Variants in ABCB5 observed in about 807,000 individuals in gnomAD.
ABCB5 encodes the protein ATP-binding cassette sub-family B member 5.
A neutral mutation model predicts 144.2 loss-of-function variants in ABCB5; 155 were observed. The ratio of observed to expected loss-of-function variants is 1.08; its 90% confidence interval spans 0.94 to 1.23. ABCB5 has a LOEUF of 1.23. Among genes scored for constraint, ABCB5 ranks in the 50% most tolerant of loss-of-function variants. The probability of loss-of-function intolerance (pLI) is 0.00; values close to 1 mark genes in which losing one functional copy is unlikely to be tolerated. For synonymous variants in ABCB5, 610 were observed against 528.6 expected (o/e 1.15, Z -2.11); for missense variants, 1,830 against 1,520.8 (o/e 1.20, Z -3.38).
chr7:20,670,310 C>T (rs532818267), intron 14 of ABCB5, among the ~76,000 whole-genome samples: 2 of 150,820 alleles, frequency 1.3e-5, no homozygotes, highest in South Asian at 2.1e-4. Context: ...GATGTTAGAA[C>T]GCAGGGTACA....
At chr7:20,639,222 G>T (rs6967789) in intron 5 of ABCB5, among the ~76,000 whole-genome samples, 26,468 of 152,036 alleles carry the variant, frequency 0.17, 3,298 homozygotes, top group African/African-American at 0.35. Flanking sequence ...TTATTATTAA[G>T]TGGTAAGAAT....
At chr7:20,624,690 C>T (rs975790142) in intron 2 of ABCB5, among the ~76,000 whole-genome samples, 13 of 152,234 alleles carry the variant, frequency 8.5e-5, no homozygotes, top group African/African-American at 3.1e-4. Context: ...GAGCTAAGAG[C>T]AGAATCTTCG....
chr7:20,734,514 G>A (rs1016294941), intron 23 of ABCB5, among the ~76,000 whole-genome samples: 3 of 151,156 alleles, frequency 2.0e-5, no homozygotes, highest in African/African-American at 4.9e-5. Flanking sequence ...TACAAGGATG[G>A]ATTATCTGTG....
chr7:20,661,224 C>T (rs1192534880), intron 14 of ABCB5, among the ~76,000 whole-genome samples: 2 of 152,362 alleles, frequency 1.3e-5, no homozygotes, highest in East Asian at 3.9e-4. Flanking sequence ...AGCTGGGCTC[C>T]AAGCTCCTTC....
Position 20,645,887 on chromosome 7 carries a change from C to T in ABCB5, c.803+7C>T. 6.2e-7 allele frequency: 1 copy of T among 1,612,834 alleles called. No individual in the cohort carries two copies. Among genetic ancestry groups the T allele is most frequent in the South Asian group, 1.1e-5 (1 of 90,796 alleles). On this transcript the variant is annotated splice_region_variant and intron_variant, in intron 8 of 27. Transcript: ENST00000404938. ...AGGAGAAAGAACTTCAAAGGTCTTT[C>T]CTTTTAAATATAACAAGATATGCTT...
Position 20,682,190 on chromosome 7 carries a change from C to T in ABCB5, c.1869+524C>T, listed in dbSNP as rs925296192. Among the ~76,000 whole-genome samples the T allele has an allele frequency of 1.4e-4, 22 of 151,854 alleles. 1 individual carries two copies. Among genetic ancestry groups the T allele is most frequent in the Admixed American group, 9.2e-4 (14 of 15,246 alleles). Reference sequence around the variant, plus strand: ...ACTGCACTCCAGCCTGCCGACAGAGCGAGACTCCATTTCAAAAAAACGAAC... The same window carrying T: ...ACTGCACTCCAGCCTGCCGACAGAGTGAGACTCCATTTCAAAAAAACGAAC... On this transcript the variant is annotated intron_variant, in intron 15 of 27. Coordinates refer to ENST00000404938, the MANE Select transcript of ABCB5 (RefSeq NM_001163941.2).
At chr7:20,672,977 T>C (rs1785497231) in intron 14 of ABCB5, among the ~76,000 whole-genome samples, 1 of 152,164 alleles carries the variant, frequency 6.6e-6, no homozygotes, top group Non-Finnish European at 1.5e-5. Flanking sequence ...TTTTTTCTTT[T>C]TCTTTTGAGT....
At chr7:20,673,631 G>T (rs1457963978) in intron 14 of ABCB5, among the ~76,000 whole-genome samples, 2 of 151,712 alleles carry the variant, frequency 1.3e-5, no homozygotes, top group African/African-American at 4.8e-5. Flanking sequence ...TATCCTTTTA[G>T]TCTTAACCTC....
chr7:20,738,818 G>A (rs1242045383), intron 23 of ABCB5, among the ~76,000 whole-genome samples, 165 bp from the exon 24 acceptor site: 2 of 152,158 alleles, frequency 1.3e-5, no homozygotes, highest in African/African-American at 4.8e-5. Flanking sequence ...ATTACTACAT[G>A]GTAGAAATTT....
At chr7:20,684,815 C>T (rs993129206) in intron 15 of ABCB5, among the ~76,000 whole-genome samples, 2 of 152,164 alleles carry the variant, frequency 1.3e-5, no homozygotes, top group Non-Finnish European at 1.5e-5. Flanking sequence ...TCCCTGGAAA[C>T]TCTTCCATGT....
Position 20,681,648 on chromosome 7 carries a change from T to C in ABCB5, c.1851T>C (p.Tyr617=), listed in dbSNP as rs1164060787. The change falls in exon 15 of 28, where the codon TAT becomes TAC. Residue 617 remains tyrosine (Y), a synonymous_variant. Coordinates refer to ENST00000404938, the MANE Select transcript of ABCB5 (RefSeq NM_001163941.2). ...TAATGGCAAAACGAGGTCTATATTATTCACTTGTGATGTCACAGGTAATGC... is the reference window on the plus strand; with the variant it reads ...TAATGGCAAAACGAGGTCTATATTACTCACTTGTGATGTCACAGGTAATGC... ...AELMAKRGLY[Y]SLVMSQDIKK... 1.9e-6 allele frequency: 3 copies of C among 1,614,086 alleles called. No individual in the cohort carries two copies. Among genetic ancestry groups the C allele is most frequent in the Non-Finnish European group, 2.5e-6 (3 of 1,179,988 alleles).
At chr7:20,652,332 C>T (rs953565878) in intron 13 of ABCB5, among the ~76,000 whole-genome samples, 1 of 152,156 alleles carries the variant, frequency 6.6e-6, no homozygotes, top group Non-Finnish European at 1.5e-5. Flanking sequence ...CTGTGGGAGG[C>T]CGAGGTGGGC....
At position 20,640,121 on chromosome 7, in the gene ABCB5, C is replaced by G. The variant is rs998012140; in HGVS notation, c.315-3063C>G. 2.6e-5 allele frequency among the ~76,000 whole-genome samples: 4 copies of G among 151,994 alleles called. No homozygotes were observed. The East Asian group carries it at 7.7e-4, about 29-fold the overall frequency. ...CCCTACAGCATTAAAAAAAATTCAA[C>G]AAGATGATTTGTATTAAGCCTGTAG... On this transcript the variant is annotated intron_variant, in intron 5 of 27. Coordinates refer to ENST00000404938, the MANE Select transcript of ABCB5 (RefSeq NM_001163941.2).
intron 26 of ABCB5, among the ~76,000 whole-genome samples, chr7:20,751,405 A>G (rs966879277): frequency 1.3e-5 from 2 of 152,198 alleles, no homozygotes; most frequent in Non-Finnish European, 2.9e-5. Flanking sequence ...CGGGAAGCGG[A>G]GCTTGCAGTG....
intron 27 of ABCB5, 76 bp downstream of exon 27, chr7:20,753,582 G>A: frequency 6.7e-7 from 1 of 1,501,786 alleles, no homozygotes; most frequent in Non-Finnish European, 8.9e-7. Context: ...ACCAAGGTAA[G>A]TTTGGAAAAA....
intron 4 of ABCB5, among the ~76,000 whole-genome samples, chr7:20,629,113 T>C (rs891282927): frequency 1.4e-5 from 2 of 147,334 alleles, no homozygotes; most frequent in Non-Finnish European, 3.0e-5. Flanking sequence ...ATGGATAGGA[T>C]GTGCGTTAGA....
chr7:20,663,918 G>A (rs1785086692), intron 14 of ABCB5, among the ~76,000 whole-genome samples: 2 of 152,022 alleles, frequency 1.3e-5, no homozygotes, highest in South Asian at 2.1e-4. Context: ...GTTTCACCAT[G>A]TTGGTCAGGC....
At chr7:20,711,771 C>T (rs13309552) in intron 20 of ABCB5, among the ~76,000 whole-genome samples, 79,662 of 115,190 alleles carry the variant, frequency 0.69, 29,920 homozygotes, top group East Asian at 0.95. Context: ...CCTGCCTTTC[C>T]TTCTTTCTCT....
At chr7:20,695,870 T>C (rs1008975323) in intron 16 of ABCB5, among the ~76,000 whole-genome samples, 1 of 151,788 alleles carries the variant, frequency 6.6e-6, no homozygotes, top group African/African-American at 2.4e-5. Flanking sequence ...CAATGAGAAA[T>C]CACTATACAC....
Sources: gnomAD v4.1 joint callset for allele counts (sites outside exome capture counted in the v4.1 genomes callset) on GRCh38, gnomAD v4.1.1 for gene constraint, MANE v1.5 for transcripts, NCBI Gene and HGNC (gene_info 2026-07-23, HGNC 2026-07-21) for gene names.